TENM2: variants seen among roughly 807,000 people sequenced by gnomAD.
TENM2 encodes the protein teneurin-2.
A neutral mutation model predicts 245.2 loss-of-function variants in TENM2; 52 were observed. The observed-to-expected ratio is 0.21, with a 90% confidence interval of 0.17 to 0.27. The LOEUF is 0.27. TENM2 is among the 10% of genes least tolerant of loss of function. The pLI is 1.00. For missense variants in TENM2, 3,046 were observed against 3,666.8 expected (o/e 0.83, Z 4.37); for synonymous variants, 1,363 against 1,438.9 (o/e 0.95, Z 1.19).
intron 1 of TENM2, among the ~76,000 whole-genome samples, chr5:167,336,308 A>G (rs1259873233): frequency 6.7e-6 from 1 of 148,446 alleles, no homozygotes; most frequent in Non-Finnish European, 1.5e-5. Flanking sequence ...AACGAGCCCT[A>G]CTTGGGAGAG....
the TENM2 span, among the ~76,000 whole-genome samples, chr5:167,230,022 T>G: frequency 6.6e-6 from 1 of 152,272 alleles, no homozygotes; most frequent in Non-Finnish European, 1.5e-5. Flanking sequence ...TTTGGTAGGA[T>G]GGGCAGGATT....
rs190203635 is a variant in TENM2, at chr5:167,844,918, G to A, written c.503-31068G>A. On this transcript the variant is annotated intron_variant, in intron 2 of 28. Transcript: ENST00000518659. The stretch of plus-strand genomic sequence containing the variant: ...TCAGTATTTCTATCTTTCTCTTTTA[G>A]TCTTCTCCTAACACTTCTCTAATAT... Among the ~76,000 whole-genome samples, 179 of 148,262 alleles carry A rather than the reference G, an allele frequency of 1.2e-3. 1 individual carries two copies. The highest frequency in any genetic ancestry group is 2.0e-3 in the Non-Finnish European group (134 of 67,484).
At chr5:167,066,479 C>A in the TENM2 span, among the ~76,000 whole-genome samples, 1 of 151,972 alleles carries the variant, frequency 6.6e-6, no homozygotes, top group Non-Finnish European at 1.5e-5. Context: ...GTGCTGCACC[C>A]ATTAACTCGT....
chr5:167,224,709 T>C, the TENM2 span, among the ~76,000 whole-genome samples: 1 of 152,060 alleles, frequency 6.6e-6, no homozygotes, highest in African/African-American at 2.4e-5. Context: ...TAGGATTTTT[T>C]TTATTTCTGT....
intron 1 of TENM2, among the ~76,000 whole-genome samples, chr5:167,292,780 T>G (rs1468730348): frequency 2.6e-5 from 4 of 152,186 alleles, no homozygotes; most frequent in African/African-American, 7.2e-5. Context: ...TAAAAAACAC[T>G]ACAAAAGGGA....
intron 2 of TENM2, among the ~76,000 whole-genome samples, chr5:167,405,505 G>A (rs2127393571): frequency 6.6e-6 from 1 of 151,912 alleles, no homozygotes; most frequent in East Asian, 2.0e-4. Flanking sequence ...CACATAATAT[G>A]AGCCTTCCCA....
At chr5:167,785,757 T>C (rs1764533570) in intron 2 of TENM2, among the ~76,000 whole-genome samples, 1 of 152,210 alleles carries the variant, frequency 6.6e-6, no homozygotes, top group Non-Finnish European at 1.5e-5. Context: ...GGTAGAATGT[T>C]GAGCAGTGGT....
chr5:167,489,513 A>G (rs1341632422), intron 2 of TENM2, among the ~76,000 whole-genome samples: 3 of 152,070 alleles, frequency 2.0e-5, no homozygotes, highest in Non-Finnish European at 2.9e-5. Flanking sequence ...ACATATTTAC[A>G]ATGGCAACAC....
intron 2 of TENM2, among the ~76,000 whole-genome samples, chr5:167,396,796 C>G (rs985785909): frequency 3.3e-5 from 5 of 152,042 alleles, no homozygotes; most frequent in African/African-American, 4.8e-5. Flanking sequence ...GATTGACATA[C>G]AGAGGGACAG....
At chr5:168,121,162 C>A (rs1211246263) in intron 10 of TENM2, among the ~76,000 whole-genome samples, 1 of 152,150 alleles carries the variant, frequency 6.6e-6, no homozygotes, top group Non-Finnish European at 1.5e-5. Context: ...GCATTCACAA[C>A]CCTTTTTTGT....
chr5:167,820,624 G>A (rs780252082), intron 2 of TENM2, among the ~76,000 whole-genome samples: 2 of 152,166 alleles, frequency 1.3e-5, no homozygotes, highest in Non-Finnish European at 1.5e-5. Flanking sequence ...TTCATTTTGC[G>A]TTCCTAATCC....
the TENM2 span, among the ~76,000 whole-genome samples, chr5:167,213,731 A>T: frequency 6.6e-6 from 1 of 152,322 alleles, no homozygotes; most frequent in Non-Finnish European, 1.5e-5. Flanking sequence ...ATTACAAATA[A>T]TATTGAGAAA....
intron 12 of TENM2, among the ~76,000 whole-genome samples, chr5:168,153,043 T>A (rs1756796616): frequency 6.6e-6 from 1 of 152,208 alleles, no homozygotes; most frequent in African/African-American, 2.4e-5. Context: ...TTTGTTTGTT[T>A]TTAATGTATT....
chr5:167,538,029 AG>A (rs1754268375), intron 2 of TENM2, among the ~76,000 whole-genome samples: 1 of 152,206 alleles, frequency 6.6e-6, no homozygotes, highest in Non-Finnish European at 1.5e-5. Flanking sequence ...GATAATGAGG[AG>A]TTTCTAATCA....
At chr5:167,476,818 C>T (rs367711070) in intron 2 of TENM2, among the ~76,000 whole-genome samples, 9 of 152,178 alleles carry the variant, frequency 5.9e-5, no homozygotes, top group East Asian at 1.9e-4. Context: ...AGGCTGGTCT[C>T]GAACTCCTGA....
intron 5 of TENM2, among the ~76,000 whole-genome samples, chr5:168,020,048 C>T (rs1367303497): frequency 6.6e-6 from 1 of 152,034 alleles, no homozygotes; most frequent in African/African-American, 2.4e-5. Flanking sequence ...GGTTAGGATC[C>T]ACACTGGGCT....
intron 1 of TENM2, among the ~76,000 whole-genome samples, chr5:167,308,917 A>G (rs988647976): frequency 3.3e-5 from 5 of 152,146 alleles, no homozygotes; most frequent in Admixed American, 3.3e-4. Flanking sequence ...TAGGGAGGGC[A>G]TTCCTGCTCA....
At chr5:167,162,444 A>T in the TENM2 span, among the ~76,000 whole-genome samples, 1 of 151,932 alleles carries the variant, frequency 6.6e-6, no homozygotes, top group African/African-American at 2.4e-5. Flanking sequence ...CCTGGCCAAC[A>T]TGCTGAAACC....
intron 13 of TENM2, among the ~76,000 whole-genome samples, chr5:168,166,451 C>T (rs1317711800): frequency 6.6e-6 from 1 of 152,034 alleles, no homozygotes; most frequent in African/African-American, 2.4e-5. Context: ...CTTTAACAGC[C>T]TTTTTTCAAC....
Sources: allele counts gnomAD v4.1 joint callset (sites outside exome capture counted in the v4.1 genomes callset), GRCh38; gene constraint gnomAD v4.1.1; transcripts MANE v1.5; gene names NCBI Gene and HGNC (gene_info 2026-07-23, HGNC 2026-07-21).